Variants in CFAP77 observed in about 807,000 individuals in gnomAD.
CFAP77 encodes cilia and flagella associated protein 77.
CFAP77 carries 25 observed loss-of-function variants against 31.1 expected under a neutral mutation model. The ratio of observed to expected loss-of-function variants is 0.80; its 90% CI spans 0.59 to 1.12. The LOEUF (loss-of-function observed/expected upper bound fraction) is 1.12, where lower values mean the gene tolerates loss of function less well. Ranked by LOEUF, CFAP77 falls within the 50% of genes most tolerant of loss-of-function variation. The pLI, the probability that CFAP77 is intolerant of heterozygous loss-of-function variation, is 0.00. For missense variants in CFAP77, 377 were observed against 397.3 expected, an observed-to-expected ratio of 0.95 and a Z score of 0.44; for synonymous variants, 151 against 159.9, an observed-to-expected ratio of 0.94 and a Z score of 0.42.
intron 1 of CFAP77, among the ~76,000 whole-genome samples, chr9:132,485,428 C>T (rs1851524010): frequency 6.6e-6 from 1 of 152,128 alleles, no homozygotes; most frequent in African/African-American, 2.4e-5. Context: ...GGTGGCTTGG[C>T]CCCCAAGCTC....
In CFAP77 at chr9:132,517,516, C is replaced by A. The variant is rs145931261; in HGVS notation, c.524+17916C>A. On this transcript the variant is annotated intron_variant, in intron 3 of 5. Transcript: ENST00000393216. The surrounding 1 kb of genome is among the most constrained non-coding windows in gnomAD (Gnocchi z 4.7). ...TTTTAGCCTGCTGTGAACGGAGAGC[C>A]GTACTAAAATCCAGTTTGTCAGACC... 2.4e-3 allele frequency among the ~76,000 whole-genome samples: 371 copies of A among 152,300 alleles called. No homozygotes were observed. Among genetic ancestry groups the A allele is most frequent in the Middle Eastern group, 0.01 (3 of 294 alleles).
At chr9:132,474,522 T>C (rs1279025140) in intron 1 of CFAP77, among the ~76,000 whole-genome samples, 1 of 152,112 alleles carries the variant, frequency 6.6e-6, no homozygotes, top group Non-Finnish European at 1.5e-5. Flanking sequence ...GTTGGAATGT[T>C]CCAAGACCTT....
rs1851432607 is a variant in CFAP77 at position 132,480,864 on chromosome 9, A to AG, written c.196-17828dup. ...GGGCAGAAAGCGGACGGTGAGCGAG[A>AG]GGGCATAAGATGAGGCCAAGGCTAG... On this transcript the variant is annotated intron_variant, in intron 1 of 5. Coordinates refer to ENST00000393216, the MANE Select transcript of CFAP77 (RefSeq NM_001282957.2). The surrounding 1 kb of genome is among the most constrained non-coding windows in gnomAD (Gnocchi z 5.8). Among the ~76,000 whole-genome samples the AG allele has an allele frequency of 6.6e-6, 1 of 152,210 alleles. No individual in the cohort carries two copies. Among genetic ancestry groups the AG allele is most frequent in the South Asian group, 2.1e-4 (1 of 4,820 alleles).
chr9:132,452,393 GC>G lies in CFAP77; in HGVS notation c.195+41931del, dbSNP rs370233499. The stretch of plus-strand genomic sequence containing the variant: ...ATAAATAGGCAAGACCCCTTCCCGT[GC>G]CCCTGCTTTGCAAAGAGCACCTGGG... On this transcript the variant is annotated intron_variant, in intron 1 of 5. Transcript: ENST00000393216. Among the ~76,000 whole-genome samples, 196 of 152,308 alleles carry G rather than the reference GC, an allele frequency of 1.3e-3. 1 individual carries two copies. Among genetic ancestry groups the G allele is most frequent in the African/African-American group, 4.5e-3 (186 of 41,572 alleles).
intron 1 of CFAP77, among the ~76,000 whole-genome samples, chr9:132,454,229 G>A: frequency 6.6e-6 from 1 of 151,928 alleles, no homozygotes; most frequent in East Asian, 1.9e-4. Flanking sequence ...TTATGGGAAA[G>A]AGTTTATCAA....
chr9:132,525,424 A>T (rs893315662), intron 3 of CFAP77, among the ~76,000 whole-genome samples: 3 of 152,232 alleles, frequency 2.0e-5, no homozygotes, highest in Non-Finnish European at 4.4e-5. Context: ...TTACTTTGAG[A>T]TGATTATAAA....
intron 1 of CFAP77, among the ~76,000 whole-genome samples, chr9:132,414,949 C>T (rs1028343251): frequency 6.6e-6 from 1 of 152,102 alleles, no homozygotes; most frequent in Non-Finnish European, 1.5e-5. Flanking sequence ...CATAAAGGCA[C>T]GGAGAGGGAC....
intron 1 of CFAP77, among the ~76,000 whole-genome samples, chr9:132,441,459 A>G (rs150541099): frequency 6.6e-6 from 1 of 152,304 alleles, no homozygotes; most frequent in African/African-American, 2.4e-5. Flanking sequence ...CTGAGTTTAC[A>G]TGCTGGGAAA....
At chr9:132,561,498 G>C (rs1190194369) in intron 5 of CFAP77, among the ~76,000 whole-genome samples, 1 of 151,882 alleles carries the variant, frequency 6.6e-6, no homozygotes, top group African/African-American at 2.4e-5. Flanking sequence ...CCCTGGCAGT[G>C]GGACTGGGTC....
chr9:132,567,198 G>GT (rs1435670797), intron 5 of CFAP77, among the ~76,000 whole-genome samples: 1 of 152,212 alleles, frequency 6.6e-6, no homozygotes, highest in East Asian at 1.9e-4. Context: ...GCCAAAATGT[G>GT]TGTGGTTAGT....
Position 132,539,089 on chromosome 9 carries a change from T to TA in CFAP77, c.630+1390dup, listed in dbSNP as rs1852596389. On this transcript the variant is annotated intron_variant, in intron 4 of 5. Coordinates refer to ENST00000393216, the MANE Select transcript of CFAP77 (RefSeq NM_001282957.2). This position sits in a 1 kb window ranked among gnomAD's most constrained non-coding sequence, Gnocchi z 4.3. ...GCAACAGAGCAAGACTCCGTCTCGA[T>TA]AAAAAAATAAATAAATAAAAATAAA... Among the ~76,000 whole-genome samples the TA allele has an allele frequency of 1.3e-5, 2 of 151,976 alleles. No individual in the cohort carries two copies. Among genetic ancestry groups the TA allele is most frequent in the Admixed American group, 6.6e-5 (1 of 15,262 alleles).
At chr9:132,436,281 T>G (rs79768058) in intron 1 of CFAP77, among the ~76,000 whole-genome samples, 26 of 152,190 alleles carry the variant, frequency 1.7e-4, no homozygotes, top group Non-Finnish European at 3.2e-4. Context: ...CACTCTGATC[T>G]CTGCCTCTGT....
chr9:132,557,044 C>T (rs1852916471), intron 5 of CFAP77, among the ~76,000 whole-genome samples: 3 of 152,178 alleles, frequency 2.0e-5, no homozygotes, highest in Non-Finnish European at 2.9e-5. Flanking sequence ...CAAGTGTTGA[C>T]CTTATAAAAG....
At chr9:132,471,687 T>TTTTTGTTTTGTTTTG (rs56232343) in intron 1 of CFAP77, among the ~76,000 whole-genome samples, 2 of 148,822 alleles carry the variant, frequency 1.3e-5, no homozygotes, top group East Asian at 2.0e-4. Context: ...AGGGGGGTTG[T>TTTTTGTTTTGTTTTG]TTTTGTTTTG....
intron 1 of CFAP77, among the ~76,000 whole-genome samples, chr9:132,464,321 G>T (rs963067372): frequency 2.0e-5 from 3 of 151,950 alleles, no homozygotes; most frequent in Non-Finnish European, 2.9e-5. Context: ...TACAAGCGAG[G>T]ATACCAAGTC....
Position 132,410,391 on chromosome 9 carries a change from C to T in CFAP77, c.120C>T (p.Asp40=). The change falls in exon 1 of 6, where the codon GAC becomes GAT. Residue 40 remains aspartate (D), a synonymous_variant. Transcript: ENST00000393216. The part of the protein sequence containing the change: ...PPPRRPLTVA[D]IRSGMENERL... The stretch of plus-strand genomic sequence containing the variant: ...CGCGGCGGCCCCTGACCGTGGCGGA[C>T]ATCCGTTCCGGCATGGAGAACGAGC... The T allele has an allele frequency of 1.9e-6, 3 of 1,601,280 alleles. No homozygotes were observed. The highest frequency in any genetic ancestry group is 2.6e-6 in the Non-Finnish European group (3 of 1,175,328).
At chr9:132,525,640 G>A (rs1392535801) in intron 3 of CFAP77, among the ~76,000 whole-genome samples, 2 of 152,174 alleles carry the variant, frequency 1.3e-5, no homozygotes, top group Non-Finnish European at 2.9e-5. Flanking sequence ...GTGTGTGTGT[G>A]TGATGTATTT....
intron 5 of CFAP77, among the ~76,000 whole-genome samples, chr9:132,556,664 G>T: frequency 6.6e-6 from 1 of 152,182 alleles, no homozygotes. Context: ...CTGGCCCCGC[G>T]GTGCACCGCC....
intron 1 of CFAP77, among the ~76,000 whole-genome samples, chr9:132,445,962 G>C (rs748501641): frequency 1.4e-3 from 212 of 152,050 alleles, no homozygotes; most frequent in Non-Finnish European, 2.0e-3. Flanking sequence ...TTTAGGGGAG[G>C]GGGCTTCCAA....
Sources: allele counts gnomAD v4.1 joint callset (sites outside exome capture counted in the v4.1 genomes callset), GRCh38; gene constraint gnomAD v4.1.1; non-coding constraint Gnocchi (gnomAD v3.1); transcripts MANE v1.5; gene names NCBI Gene and HGNC (gene_info 2026-07-23, HGNC 2026-07-21).